Variants in FSIP1 observed in about 807,000 individuals in gnomAD.
FSIP1 encodes the protein fibrous sheath-interacting protein 1.
FSIP1 carries 65 observed loss-of-function variants against 60.9 expected under a neutral mutation model. The observed-to-expected ratio is 1.07, with a 90% CI of 0.87 to 1.31. FSIP1 has a LOEUF of 1.31. Among genes scored for constraint, FSIP1 ranks in the 40% most tolerant of loss-of-function variants. The probability of loss-of-function intolerance (pLI) is 0.00; values close to 1 mark genes in which losing one functional copy is unlikely to be tolerated. For missense variants in FSIP1, 675 were observed against 665.5 expected, an observed-to-expected ratio of 1.01 and a Z score of -0.16; for synonymous variants, 209 against 221.2, an observed-to-expected ratio of 0.94 and a Z score of 0.49.
intron 10 of FSIP1, 111 bp from the exon 11 acceptor site, chr15:39,618,356 C>T: frequency 1.3e-6 from 1 of 779,536 alleles, no homozygotes; most frequent in East Asian, 2.5e-5. Flanking sequence ...TTACACAACA[C>T]ATAAAAATAG....
chr15:39,635,443 T>G (rs1437075447), intron 10 of FSIP1, among the ~76,000 whole-genome samples: 2 of 152,082 alleles, frequency 1.3e-5, no homozygotes, highest in South Asian at 2.1e-4. Flanking sequence ...TCCAGTAATC[T>G]CTCCATATTT....
intron 10 of FSIP1, among the ~76,000 whole-genome samples, chr15:39,647,848 T>C (rs1173853354): frequency 1.3e-5 from 2 of 152,174 alleles, no homozygotes; most frequent in Non-Finnish European, 2.9e-5. Context: ...TAAACTGTTA[T>C]ATTGGGAAAA....
rs1327645164 is a variant in FSIP1 at position 39,736,726 on chromosome 15, G to T, written c.891+1365C>A. Among the ~76,000 whole-genome samples the T allele has an allele frequency of 4.6e-5, 7 of 152,210 alleles. 1 individual carries two copies. Among genetic ancestry groups the T allele is most frequent in the Admixed American group, 4.6e-4 (7 of 15,282 alleles). ...TGTGGAAACTAAGACAAGGATTCTTGTTCAAGTAATTCACTGGGAGAGTGC... is the reference window on the plus strand; with the variant it reads ...TGTGGAAACTAAGACAAGGATTCTTTTTCAAGTAATTCACTGGGAGAGTGC... On this transcript the variant is annotated intron_variant, in intron 8 of 11. Coordinates refer to ENST00000350221, the MANE Select transcript of FSIP1 (RefSeq NM_152597.5).
intron 5 of FSIP1, among the ~76,000 whole-genome samples, chr15:39,745,718 G>T (rs904195701): frequency 6.6e-6 from 1 of 152,188 alleles, no homozygotes; most frequent in Non-Finnish European, 1.5e-5. Context: ...GAAAACACAT[G>T]CAGACAGGGG....
intron 10 of FSIP1, among the ~76,000 whole-genome samples, chr15:39,679,010 G>C (rs1166575725): frequency 1.3e-5 from 2 of 152,172 alleles, no homozygotes; most frequent in Non-Finnish European, 2.9e-5. Context: ...TGAAAAGAAT[G>C]GATCTTGTCT....
chr15:39,719,579 A>G (rs1895875058), intron 9 of FSIP1, among the ~76,000 whole-genome samples: 1 of 152,230 alleles, frequency 6.6e-6, no homozygotes. Flanking sequence ...TCTGATATGC[A>G]AATAAGGCAT....
intron 8 of FSIP1, among the ~76,000 whole-genome samples, chr15:39,732,396 G>A (rs1896439721): frequency 6.6e-6 from 1 of 152,166 alleles, no homozygotes; most frequent in Non-Finnish European, 1.5e-5. Flanking sequence ...GAGGTGGGCA[G>A]ATCACCTGAG....
chr15:39,654,045 G>A (rs540072977), intron 10 of FSIP1, among the ~76,000 whole-genome samples: 28 of 152,148 alleles, frequency 1.8e-4, no homozygotes, highest in Non-Finnish European at 3.7e-4. Context: ...TTGTCCCACT[G>A]GAAGGTCTTC....
intron 11 of FSIP1, among the ~76,000 whole-genome samples, chr15:39,602,567 G>T (rs1890679098): frequency 6.6e-6 from 1 of 152,344 alleles, no homozygotes; most frequent in Admixed American, 6.5e-5. Flanking sequence ...AGTGATAAAT[G>T]TAGTGGTACT....
At chr15:39,731,465 A>G (rs1018713941) in intron 8 of FSIP1, among the ~76,000 whole-genome samples, 1 of 152,276 alleles carries the variant, frequency 6.6e-6, no homozygotes, top group Non-Finnish European at 1.5e-5. Flanking sequence ...ATGATGAAAT[A>G]GTGGCTAATA....
At chr15:39,648,025 G>C (rs1165418491) in intron 10 of FSIP1, among the ~76,000 whole-genome samples, 2 of 151,818 alleles carry the variant, frequency 1.3e-5, no homozygotes, top group Non-Finnish European at 2.9e-5. Context: ...TGGTGGGGTG[G>C]GGGGAGCGGG....
chr15:39,754,195 G>A (rs12437837), intron 5 of FSIP1, among the ~76,000 whole-genome samples: 20,183 of 152,002 alleles, frequency 0.13, 1,679 homozygotes, highest in Admixed American at 0.27. Flanking sequence ...CCCAAAGGCA[G>A]CAAGAAACTG....
chr15:39,638,925 T>C (rs562417286), intron 10 of FSIP1, among the ~76,000 whole-genome samples: 1 of 152,290 alleles, frequency 6.6e-6, no homozygotes, highest in African/African-American at 2.4e-5. Flanking sequence ...ATTCCTTTTT[T>C]TCTTATTGCT....
At chr15:39,779,312 G>A (rs1166714) in intron 1 of FSIP1, among the ~76,000 whole-genome samples, 7,431 of 151,622 alleles carry the variant, frequency 0.049, 524 homozygotes, top group African/African-American at 0.15. Flanking sequence ...GGACCTGAAA[G>A]ATGATGACAC....
intron 10 of FSIP1, among the ~76,000 whole-genome samples, chr15:39,672,210 T>C (rs1161087033): frequency 6.6e-6 from 1 of 152,210 alleles, no homozygotes; most frequent in African/African-American, 2.4e-5. Context: ...GGCGTCAAGA[T>C]GAAGATCTGC....
At chr15:39,655,498 CCATT>C (rs368238499) in intron 10 of FSIP1, among the ~76,000 whole-genome samples, 6 of 152,108 alleles carry the variant, frequency 3.9e-5, no homozygotes, top group Admixed American at 1.3e-4. Flanking sequence ...GACTAACAAT[CCATT>C]CATTCATTCA....
At chr15:39,690,101 AAAG>A (rs1894536987) in intron 10 of FSIP1, among the ~76,000 whole-genome samples, 2 of 152,210 alleles carry the variant, frequency 1.3e-5, no homozygotes, top group African/African-American at 2.4e-5. Flanking sequence ...TCAGTGGCAT[AAAG>A]AAGGTTTGTA....
At position 39,712,114 on chromosome 15, in the gene FSIP1, T is replaced by TA. The variant is rs376213649; in HGVS notation, c.1188+1329dup. ...ATGCAAAGCAAATAAAAATGAGCTATAAAAAAAGCACGATGTATTCATTCC... is the reference window on the plus strand; with the variant it reads ...ATGCAAAGCAAATAAAAATGAGCTATAAAAAAAAGCACGATGTATTCATTCC... On this transcript the variant is annotated intron_variant, in intron 10 of 11. Coordinates refer to ENST00000350221, the MANE Select transcript of FSIP1 (RefSeq NM_152597.5). Among the ~76,000 whole-genome samples, 478 of 152,166 alleles carry TA rather than the reference T, an allele frequency of 3.1e-3. 2 individuals are homozygous for TA. The highest frequency in any genetic ancestry group is 0.011 in the African/African-American group (440 of 41,524).
intron 10 of FSIP1, among the ~76,000 whole-genome samples, chr15:39,653,190 A>T (rs1021300394): frequency 2.0e-5 from 3 of 151,374 alleles, no homozygotes; most frequent in Non-Finnish European, 4.4e-5. Flanking sequence ...AAAAAAAAAA[A>T]AACCCAAAAA....
Sources: allele counts gnomAD v4.1 joint callset (sites outside exome capture counted in the v4.1 genomes callset), GRCh38; gene constraint gnomAD v4.1.1; transcripts MANE v1.5; gene names NCBI Gene and HGNC (gene_info 2026-07-23, HGNC 2026-07-21).